EPHA6: variants seen among roughly 807,000 people sequenced by gnomAD.
EPHA6 encodes EPH receptor A6, also known as ephrin type-A receptor 6.
A neutral mutation model predicts 112.0 loss-of-function variants in EPHA6; 50 were observed. The observed-to-expected ratio is 0.45, with a 90% CI of 0.36 to 0.56. EPHA6 has a LOEUF of 0.56. Ranked by LOEUF, EPHA6 falls within the 20% of genes least tolerant of loss-of-function variation. The pLI is 0.00. For missense variants in EPHA6, 1,280 were observed against 1,417.4 expected (o/e 0.90, Z 1.56); for synonymous variants, 529 against 490.7 (o/e 1.08, Z -1.03).
chr3:97,396,196 T>C (rs2086683741), intron 5 of EPHA6, among the ~76,000 whole-genome samples: 1 of 151,298 alleles, frequency 6.6e-6, no homozygotes, highest in African/African-American at 2.4e-5. Context: ...AGATTTTCAT[T>C]GTCACAAGCA....
rs545819044 is a variant in EPHA6, at chr3:97,563,498, G to A, written c.2387-29114G>A. 1.3e-3 allele frequency among the ~76,000 whole-genome samples: 199 copies of A among 152,178 alleles called. 1 individual carries two copies. The highest frequency in any genetic ancestry group is 3.3e-3 in the Admixed American group (51 of 15,260). Reference sequence around the variant, plus strand: ...GGGACATATCAGCAAGAGTTAGGATGTAAAATTTTATCCCAGGGGTGATGG... The same window carrying A: ...GGGACATATCAGCAAGAGTTAGGATATAAAATTTTATCCCAGGGGTGATGG... On this transcript the variant is annotated intron_variant, in intron 11 of 17. Coordinates refer to ENST00000389672, the MANE Select transcript of EPHA6 (RefSeq NM_001080448.3).
At chr3:96,879,104 T>C (rs796351131) in intron 2 of EPHA6, among the ~76,000 whole-genome samples, 3 of 152,234 alleles carry the variant, frequency 2.0e-5, no homozygotes, top group African/African-American at 7.2e-5. Flanking sequence ...TGTAGGATTA[T>C]GTTTTCATTA....
intron 2 of EPHA6, among the ~76,000 whole-genome samples, chr3:96,890,643 A>G (rs934765934): frequency 6.6e-6 from 1 of 152,262 alleles, no homozygotes; most frequent in Non-Finnish European, 1.5e-5. Flanking sequence ...CAATATGCAC[A>G]TAAAAAAATG....
chr3:97,524,523 G>A (rs191852324), intron 10 of EPHA6, among the ~76,000 whole-genome samples: 77 of 151,478 alleles, frequency 5.1e-4, no homozygotes, highest in Admixed American at 3.3e-3. Flanking sequence ...ACCCCTTTAC[G>A]GTTTTAGTAT....
intron 10 of EPHA6, among the ~76,000 whole-genome samples, chr3:97,521,486 A>G (rs1048911907): frequency 1.3e-5 from 2 of 152,180 alleles, no homozygotes; most frequent in Admixed American, 1.3e-4. Flanking sequence ...TTCTCAAGGC[A>G]GCAGGACAGA....
At chr3:97,034,865 C>T (rs1475842045) in intron 3 of EPHA6, among the ~76,000 whole-genome samples, 1 of 151,896 alleles carries the variant, frequency 6.6e-6, no homozygotes, top group Non-Finnish European at 1.5e-5. Context: ...TCTGAGACCT[C>T]AGAGCAATTA....
At chr3:96,994,189 G>A in intron 3 of EPHA6, 1 of 393,474 alleles carries the variant, frequency 2.5e-6, no homozygotes, top group Non-Finnish European at 5.3e-6. Context: ...AAGCATGTTT[G>A]CTAAAATTTA....
intron 14 of EPHA6, among the ~76,000 whole-genome samples, chr3:97,719,813 T>C (rs912049224): frequency 1.3e-5 from 2 of 152,122 alleles, no homozygotes; most frequent in Non-Finnish European, 2.9e-5. Flanking sequence ...AGTATTGAAT[T>C]GGTAGAGAAT....
intron 13 of EPHA6, among the ~76,000 whole-genome samples, chr3:97,636,797 A>C (rs2093949053): frequency 6.6e-6 from 1 of 152,132 alleles, no homozygotes; most frequent in South Asian, 2.1e-4. Flanking sequence ...TTGTGCTTCT[A>C]ATGTATAACA....
intron 5 of EPHA6, among the ~76,000 whole-genome samples, chr3:97,291,292 A>T (rs1193651699): frequency 6.6e-6 from 1 of 152,162 alleles, no homozygotes; most frequent in South Asian, 2.1e-4. Context: ...TTTGTTACCT[A>T]CGTATAATCT....
chr3:97,195,009 GT>G (rs1045797981), intron 3 of EPHA6, among the ~76,000 whole-genome samples: 2 of 151,518 alleles, frequency 1.3e-5, no homozygotes, highest in African/African-American at 4.8e-5. Flanking sequence ...TTTTTGTTTT[GT>G]TTTTTAATCC....
chr3:97,725,476 T>C (rs1056701037), intron 15 of EPHA6, among the ~76,000 whole-genome samples: 6 of 152,282 alleles, frequency 3.9e-5, no homozygotes, highest in Non-Finnish European at 7.4e-5. Context: ...GCAGTTGTGC[T>C]ATCAGAAGGT....
intron 7 of EPHA6, among the ~76,000 whole-genome samples, chr3:97,459,925 TA>T (rs1428809699): frequency 6.6e-6 from 1 of 152,184 alleles, no homozygotes; most frequent in Non-Finnish European, 1.5e-5. Context: ...GAAGATGCAG[TA>T]AATTATGACC....
intron 3 of EPHA6, among the ~76,000 whole-genome samples, chr3:97,181,034 A>T (rs1420798640): frequency 6.6e-6 from 1 of 152,090 alleles, no homozygotes; most frequent in African/African-American, 2.4e-5. Flanking sequence ...GTTTGCAGGT[A>T]CTCAAGTTTA....
intron 3 of EPHA6, among the ~76,000 whole-genome samples, chr3:97,143,633 A>C (rs573752559): frequency 6.6e-6 from 1 of 151,902 alleles, no homozygotes; most frequent in Admixed American, 6.6e-5. Context: ...AATTGTTTCC[A>C]TAAGTTCACC....
Position 96,987,683 on chromosome 3 carries a change from T to G in EPHA6, c.804T>G (p.Arg268=), listed in dbSNP as rs1413932436. ...DRILKLNTEI[R]EVGPIERKGF... ...TCCTCAAACTCAACACTGAAATTCG[T>G]GAGGTGGGGCCTATAGAAAGGAAAG... Residue 268 remains arginine, a synonymous_variant, in exon 3 of 18, where the codon CGT becomes CGG. Transcript: ENST00000389672. The G allele has an allele frequency of 6.2e-7, 1 of 1,606,464 alleles. No homozygotes were observed. The highest frequency in any genetic ancestry group is 1.3e-5 in the African/African-American group (1 of 74,842).
At chr3:96,943,830 A>C (rs1181997836) in intron 2 of EPHA6, among the ~76,000 whole-genome samples, 1 of 152,188 alleles carries the variant, frequency 6.6e-6, no homozygotes, top group Non-Finnish European at 1.5e-5. Context: ...TATGCTGAAA[A>C]ATAAATTGAA....
At chr3:97,322,147 A>G (rs1380927308) in intron 5 of EPHA6, among the ~76,000 whole-genome samples, 1 of 152,096 alleles carries the variant, frequency 6.6e-6, no homozygotes, top group Non-Finnish European at 1.5e-5. Context: ...TATACAGATC[A>G]CTAAAATGTC....
intron 6 of EPHA6, among the ~76,000 whole-genome samples, chr3:97,428,453 T>G (rs1229712530): frequency 1.3e-5 from 2 of 152,198 alleles, no homozygotes; most frequent in Non-Finnish European, 2.9e-5. Context: ...TAATATTTCA[T>G]GAAGCTTATA....
Sources: allele counts gnomAD v4.1 joint callset (sites outside exome capture counted in the v4.1 genomes callset), GRCh38; gene constraint gnomAD v4.1.1; transcripts MANE v1.5; gene names NCBI Gene and HGNC (gene_info 2026-07-23, HGNC 2026-07-21).